Variants in CRYBG3 observed in about 807,000 individuals in gnomAD.
The protein encoded by CRYBG3 is crystallin beta-gamma domain containing 3.
Under a neutral mutation model 244.2 loss-of-function variants are expected in CRYBG3, and 127 were observed. The ratio of observed to expected loss-of-function variants is 0.52; its 90% CI spans 0.45 to 0.60. The LOEUF (loss-of-function observed/expected upper bound fraction) is 0.60, where lower values mean the gene tolerates loss of function less well. Ranked by LOEUF, CRYBG3 falls within the 20% of genes least tolerant of loss-of-function variation. The pLI, the probability that CRYBG3 is intolerant of heterozygous loss-of-function variation, is 0.00. For missense variants in CRYBG3, 3,325 were observed against 3,442.5 expected (o/e 0.97, Z 0.85); for synonymous variants, 1,132 against 1,195.8 (o/e 0.95, Z 1.10).
chr3:97,896,111 T>C, intron 12 of CRYBG3, 26 bp downstream of exon 12: 1 of 1,574,054 alleles, frequency 6.4e-7, no homozygotes, highest in Non-Finnish European at 8.6e-7. Context: ...TATCCTTAAT[T>C]TTCTACCTTT....
At chr3:97,923,430 T>A (rs1452435884) in intron 17 of CRYBG3, among the ~76,000 whole-genome samples, 1 of 152,120 alleles carries the variant, frequency 6.6e-6, no homozygotes, top group Non-Finnish European at 1.5e-5. Flanking sequence ...ATTATGCACA[T>A]TTTGAAAATG....
At position 97,915,731 on chromosome 3, in the gene CRYBG3, G is replaced by A. The variant is rs1559742940; in HGVS notation, c.8236G>A (p.Asp2746Asn). The A allele has an allele frequency of 6.2e-7, 1 of 1,610,650 alleles. No homozygotes were observed. Among genetic ancestry groups the A allele is most frequent in the Non-Finnish European group, 8.5e-7 (1 of 1,177,580 alleles). Reference protein sequence around the residue: ...ASKVKSLKPIDYVFEEPSISL... With the variant: ...ASKVKSLKPINYVFEEPSISL... ...TAAAGTCAAATCTCTCAAGCCCATT[G>A]ACTATGTAAGTACTTTGCAAAATGC... is the stretch of plus-strand genomic sequence containing the variant. The change falls in exon 17 of 22, where the codon GAC (aspartate) becomes AAC (asparagine). Residue 2746 changes from aspartate to asparagine, a missense_variant. Transcript: ENST00000389622.
chr3:97,864,617 A>G lies in CRYBG3; in HGVS notation c.617A>G (p.Asp206Gly), dbSNP rs564970410. 2.6e-5 allele frequency: 39 copies of G among 1,525,376 alleles called. No homozygotes were observed. Among genetic ancestry groups the G allele is most frequent in the Non-Finnish European group, 3.2e-5 (36 of 1,142,224 alleles). 94.5% of individuals were successfully genotyped at this position (1,525,376 alleles called of 1,614,324 possible). The stretch of plus-strand genomic sequence containing the variant: ...GCTTTTTCTTTGGATACAACACAAG[A>G]CAGTGACCAAGAAACCACTAATTTG... ...SDAFSLDTTQ[D>G]SDQETTNLLK... The change falls in exon 3 of 22, where the codon GAC becomes GGC. Residue 206 changes from aspartate to glycine, a missense_variant. Around this residue, in one of 4 missense-constraint regions of CRYBG3, gnomAD observed 1,526 missense variants for 1,443.2 expected, o/e 1.06. Coordinates refer to ENST00000389622, the MANE Select transcript of CRYBG3 (RefSeq NM_153605.4).
intron 2 of CRYBG3, among the ~76,000 whole-genome samples, chr3:97,848,117 G>A (rs914163002): frequency 3.3e-5 from 5 of 152,086 alleles, no homozygotes; most frequent in Non-Finnish European, 7.4e-5. Flanking sequence ...ATTTGCATCT[G>A]TTCATATTTT....
At chr3:97,864,803 A>G (rs972857186) in intron 3 of CRYBG3, among the ~76,000 whole-genome samples, 156 bp downstream of exon 3, 3 of 152,246 alleles carry the variant, frequency 2.0e-5, no homozygotes, top group Admixed American at 1.3e-4. Flanking sequence ...TGTACCATAC[A>G]AGTAATCAAT....
intron 2 of CRYBG3, among the ~76,000 whole-genome samples, chr3:97,848,442 C>T (rs573053350): frequency 6.6e-6 from 1 of 152,108 alleles, no homozygotes; most frequent in Non-Finnish European, 1.5e-5. Context: ...GCTGGGACTA[C>T]AGGCACGTGC....
In CRYBG3 at chr3:97,874,086, TTG is replaced by T. The variant is rs2039339849; in HGVS notation, c.2898_2899del (p.Phe967SerfsTer10). Reference protein sequence around the residue: ...QMAQNCEAHTCVFHQSLDICG... With the variant: ...QMAQNCEAHTXVFHQSLDICG... Reference sequence around the variant, plus strand: ...TGGCGCAGAATTGTGAAGCTCACACTTGTGTGTTTCATCAATCTTTGGATATT... The same window carrying T: ...TGGCGCAGAATTGTGAAGCTCACACTTGTGTTTCATCAATCTTTGGATATT... On this transcript the variant is annotated frameshift_variant, in exon 4 of 22. Transcript: ENST00000389622. LOFTEE classifies it high-confidence loss of function. The T allele has an allele frequency of 1.3e-6, 2 of 1,535,882 alleles. No homozygotes were observed. The highest frequency in any genetic ancestry group is 1.7e-6 in the Non-Finnish European group (2 of 1,146,804).
At chr3:97,941,437 A>C (rs370902813) in intron 20 of CRYBG3, 131 bp downstream of exon 20, 28 of 581,640 alleles carry the variant, frequency 4.8e-5, no homozygotes, top group African/African-American at 1.5e-4. Context: ...TTATAAAAAT[A>C]CTGCCATATA....
At chr3:97,841,212 A>ATATATG (rs1233238961) in intron 1 of CRYBG3, among the ~76,000 whole-genome samples, 1 of 150,422 alleles carries the variant, frequency 6.6e-6, no homozygotes, top group South Asian at 2.1e-4. Context: ...GTATATATGT[A>ATATATG]TATATGTATA....
intron 2 of CRYBG3, among the ~76,000 whole-genome samples, chr3:97,849,791 C>T (rs1454696527): frequency 2.0e-5 from 3 of 152,134 alleles, no homozygotes; most frequent in African/African-American, 4.8e-5. Flanking sequence ...CGAGAGTGAG[C>T]GCCAGAAAGC....
chr3:97,896,609 G>T (rs2039643299), intron 12 of CRYBG3, among the ~76,000 whole-genome samples: 1 of 152,218 alleles, frequency 6.6e-6, no homozygotes, highest in Non-Finnish European at 1.5e-5. Context: ...TTTAGCAAGA[G>T]ATTAACATGT....
chr3:97,874,169 A>G lies in CRYBG3; in HGVS notation c.2975A>G (p.Asn992Ser), dbSNP rs1576536937. 1.3e-6 allele frequency: 2 copies of G among 1,530,766 alleles called. No individual in the cohort carries two copies. Among genetic ancestry groups the G allele is most frequent in the South Asian group, 2.4e-5 (2 of 82,454 alleles). 94.8% of individuals were successfully genotyped at this position (1,530,766 alleles called of 1,614,324 possible). A position where few individuals can be genotyped will look rare whatever the true frequency, so the allele number is the denominator to read the frequency against. The change falls in exon 4 of 22, where the codon AAT becomes AGT. Residue 992 changes from asparagine (N) to serine (S), a missense_variant. Asn to Ser is a conservative substitution (Grantham distance 46). This residue lies in a region of CRYBG3 where 1,526 missense variants were observed against 1,443.2 expected (regional missense o/e 1.06). Transcript: ENST00000389622. Reference sequence around the variant, plus strand: ...GAAATGGCGGAACTCAGCTTAACTAATATTTCCCCTAAATTCCAAGAAACT... The same window carrying G: ...GAAATGGCGGAACTCAGCTTAACTAGTATTTCCCCTAAATTCCAAGAAACT... ...HSEMAELSLT[N>S]ISPKFQETGS...
At chr3:97,852,465 A>G (rs1049835051) in intron 2 of CRYBG3, among the ~76,000 whole-genome samples, 2 of 152,134 alleles carry the variant, frequency 1.3e-5, no homozygotes, top group Non-Finnish European at 2.9e-5. Context: ...AGGTAGCCCA[A>G]TTGTCTGGAC....
chr3:97,893,118 G>A, intron 11 of CRYBG3, 125 bp downstream of exon 11: 1 of 824,900 alleles, frequency 1.2e-6, no homozygotes, highest in Non-Finnish European at 1.9e-6. Context: ...CTGTAATATG[G>A]AAAGTAAAAA....
intron 1 of CRYBG3, chr3:97,840,803 A>G (rs1413803028): frequency 6.6e-6 from 1 of 152,106 alleles, no homozygotes; most frequent in Non-Finnish European, 1.5e-5. Flanking sequence ...AGATCATTCA[A>G]AATAGATTGT....
intron 16 of CRYBG3, among the ~76,000 whole-genome samples, chr3:97,913,311 T>G (rs1575961743): frequency 6.6e-6 from 1 of 152,152 alleles, no homozygotes; most frequent in East Asian, 1.9e-4. Context: ...TCTCCTCTCT[T>G]CTAACATTTG....
chr3:97,931,421 C>T (rs1274959701), intron 17 of CRYBG3, among the ~76,000 whole-genome samples: 3 of 152,066 alleles, frequency 2.0e-5, no homozygotes, highest in Admixed American at 1.3e-4. Flanking sequence ...TCACTTCCAC[C>T]TCCCATGTTT....
At chr3:97,844,261 G>A (rs2038866840) in intron 2 of CRYBG3, among the ~76,000 whole-genome samples, 1 of 151,998 alleles carries the variant, frequency 6.6e-6, no homozygotes, top group Non-Finnish European at 1.5e-5. Context: ...CCTCCTTCTG[G>A]TGGTTTTTTC....
intron 17 of CRYBG3, among the ~76,000 whole-genome samples, chr3:97,917,056 G>T (rs1190885125): frequency 6.6e-6 from 1 of 152,050 alleles, no homozygotes; most frequent in Non-Finnish European, 1.5e-5. Flanking sequence ...AAAGATAGAG[G>T]TCTAAATTTG....
Sources: allele counts gnomAD v4.1 joint callset (sites outside exome capture counted in the v4.1 genomes callset), GRCh38; gene constraint gnomAD v4.1.1; regional missense constraint gnomAD v4.1.1; transcripts MANE v1.5; gene names NCBI Gene and HGNC (gene_info 2026-07-23, HGNC 2026-07-21).